TGFB3: variants seen among roughly 807,000 people sequenced by gnomAD.
TGFB3 encodes the protein transforming growth factor beta-3 proprotein.
In TGFB3, 5 loss-of-function variants were observed where a neutral mutation model predicts 40.1. The observed-to-expected ratio is 0.12, with a 90% CI of 0.07 to 0.26. The LOEUF (loss-of-function observed/expected upper bound fraction) is 0.26, where lower values mean the gene tolerates loss of function less well. TGFB3 is among the 10% of genes least tolerant of loss of function. TGFB3 has a pLI of 1.00. For synonymous variants in TGFB3, 184 were observed against 205.6 expected (o/e 0.89, Z 0.90); for missense variants, 373 against 530.1 (o/e 0.70, Z 2.91).
In TGFB3 at chr14:75,981,107, C is replaced by T. The variant is rs886050800; in HGVS notation, c.-214G>A. On this transcript the variant is annotated 5_prime_UTR_variant, in exon 1 of 7. Transcript: ENST00000238682. The surrounding 1 kb of genome is among the most constrained non-coding windows in gnomAD (Gnocchi z 4.7). Reference sequence around the variant, plus strand: ...TGAGGACGAAGAAGCGGACTGTGTGCCTTGTAGCGCTGGGATTCTTGTCCA... The same window carrying T: ...TGAGGACGAAGAAGCGGACTGTGTGTCTTGTAGCGCTGGGATTCTTGTCCA... 12 of 597,842 alleles carry T rather than the reference C, an allele frequency of 2.0e-5. No homozygotes were observed. The highest frequency in any genetic ancestry group is 1.7e-4 in the East Asian group (6 of 34,846). 37.0% of individuals were successfully genotyped at this position (597,842 alleles called of 1,614,324 possible). A position where few individuals can be genotyped will look rare whatever the true frequency, so the allele number is the denominator to read the frequency against.
Position 75,971,430 on chromosome 14 carries a change from A to G in TGFB3, c.516+125T>C. On this transcript the variant is annotated intron_variant, in intron 2 of 6. Coordinates refer to ENST00000238682, the MANE Select transcript of TGFB3 (RefSeq NM_003239.5). This position sits in a 1 kb window ranked among gnomAD's most constrained non-coding sequence, Gnocchi z 4.5. Reference sequence around the variant, plus strand: ...TTTAATGACAGACACAGATACGGAAACGAAGGCTCAGAGAAGCCAGGATTC... The same window carrying G: ...TTTAATGACAGACACAGATACGGAAGCGAAGGCTCAGAGAAGCCAGGATTC... 1 of 1,531,676 alleles carries G rather than the reference A, an allele frequency of 6.5e-7. No individual in the cohort carries two copies. The highest frequency in any genetic ancestry group is 1.2e-5 in the South Asian group (1 of 84,954). 94.9% of individuals were successfully genotyped at this position (1,531,676 alleles called of 1,614,324 possible). A position where few individuals can be genotyped will look rare whatever the true frequency, so the allele number is the denominator to read the frequency against.
intron 4 of TGFB3, among the ~76,000 whole-genome samples, chr14:75,964,304 A>G (rs2035195636): frequency 6.6e-6 from 1 of 152,214 alleles, no homozygotes; most frequent in Admixed American, 6.5e-5. Context: ...GATAGCCTGA[A>G]TGGGAGCCAA....
chr14:75,963,536 C>T, intron 4 of TGFB3, 49 bp from the exon 5 acceptor site: 2 of 1,611,032 alleles, frequency 1.2e-6, no homozygotes, highest in East Asian at 2.2e-5. Context: ...GAGAGCAGAG[C>T]CCTTGGAGGC....
At chr14:75,973,383 A>G (rs2035316747) in intron 1 of TGFB3, among the ~76,000 whole-genome samples, 1 of 152,248 alleles carries the variant, frequency 6.6e-6, no homozygotes, top group Non-Finnish European at 1.5e-5. Context: ...AATGGAACAG[A>G]TGTTAGGAAA....
chr14:75,970,979 G>C lies in TGFB3; in HGVS notation c.646+147C>G, dbSNP rs899065588. 22 of 1,137,986 alleles carry C rather than the reference G, an allele frequency of 1.9e-5. No individual in the cohort carries two copies. The Admixed American group carries it at 2.8e-4, about 14-fold the overall frequency. 70.5% of individuals were successfully genotyped at this position (1,137,986 alleles called of 1,614,324 possible). On this transcript the variant is annotated intron_variant, in intron 3 of 6. Coordinates refer to ENST00000238682, the MANE Select transcript of TGFB3 (RefSeq NM_003239.5). ...TGAGCATTTAATAAACATTAGTTGAGTGAATGAATGGAGGATACTCAGTGG... is the reference window on the plus strand; with the variant it reads ...TGAGCATTTAATAAACATTAGTTGACTGAATGAATGGAGGATACTCAGTGG...
intron 5 of TGFB3, among the ~76,000 whole-genome samples, chr14:75,962,045 G>C (rs2035163830): frequency 6.6e-6 from 1 of 152,160 alleles, no homozygotes; most frequent in Non-Finnish European, 1.5e-5. Flanking sequence ...TCTTAAATGT[G>C]GACAAGGTGC....
chr14:75,982,727 G>C (rs1034611023), upstream of TGFB3: 8 of 152,278 alleles, frequency 5.3e-5, no homozygotes, highest in African/African-American at 1.9e-4. The surrounding 1 kb of genome is among the most constrained non-coding windows in gnomAD (Gnocchi z 4.0). Context: ...GGTAGAGAGC[G>C]AGAAAAACAA....
In TGFB3 at chr14:75,979,918, TCTTC is replaced by T. The variant is rs1299797576; in HGVS notation, c.352+620_352+623del. ...GCCCTGGGAACATTCGTGCATACCC[TCTTC>T]CTTCCACACACACAGCTCACGTGGG... On this transcript the variant is annotated intron_variant, in intron 1 of 6. Coordinates refer to ENST00000238682, the MANE Select transcript of TGFB3 (RefSeq NM_003239.5). This position sits in a 1 kb window ranked among gnomAD's most constrained non-coding sequence, Gnocchi z 4.8. 6.6e-6 allele frequency among the ~76,000 whole-genome samples: 1 copy of T among 152,226 alleles called. No individual in the cohort carries two copies. Among genetic ancestry groups the T allele is most frequent in the South Asian group, 2.1e-4 (1 of 4,826 alleles).
rs767251248 is a variant in TGFB3 at position 75,980,520 on chromosome 14, C to A, written c.352+22G>T. The A allele has an allele frequency of 7.4e-6, 12 of 1,612,560 alleles. No homozygotes were observed. Among genetic ancestry groups the A allele is most frequent in the Non-Finnish European group, 1.0e-5 (12 of 1,178,506 alleles). ...AGTTCAGACCCTCCAGAGCAGACAC[C>A]CCAGCGAGAATTTGGACTTACTGTG... On this transcript the variant is annotated intron_variant, in intron 1 of 6. Coordinates refer to ENST00000238682, the MANE Select transcript of TGFB3 (RefSeq NM_003239.5). The surrounding 1 kb of genome is among the most constrained non-coding windows in gnomAD (Gnocchi z 4.3).
At chr14:75,963,970 GGGT>G (rs1416406821) in intron 4 of TGFB3, among the ~76,000 whole-genome samples, 2 of 152,064 alleles carry the variant, frequency 1.3e-5, no homozygotes, top group African/African-American at 4.8e-5. Context: ...TCTGCCTCCG[GGGT>G]TCAAGAGATT....
chr14:75,965,933 A>G, intron 3 of TGFB3: 1 of 542,276 alleles, frequency 1.8e-6, no homozygotes, highest in Non-Finnish European at 3.3e-6. Context: ...GGGGGCATAC[A>G]CTAGTGGCCA....
rs895545258 is a variant in TGFB3, at chr14:75,965,982, G to A, written c.647-287C>T. 6.9e-6 allele frequency: 3 copies of A among 436,400 alleles called. No individual in the cohort carries two copies. The East Asian group carries it at 1.4e-4, about 21-fold the overall frequency. The allele number at this position is 436,400 out of a possible 1,614,324, so 27.0% of individuals were successfully genotyped here. Reference sequence around the variant, plus strand: ...GTGGAATAATCATTCCCTTTGAAAGGATGGTATTAAGAGAAAATTGTCACC... The same window carrying A: ...GTGGAATAATCATTCCCTTTGAAAGAATGGTATTAAGAGAAAATTGTCACC... On this transcript the variant is annotated intron_variant, in intron 3 of 6. Coordinates refer to ENST00000238682, the MANE Select transcript of TGFB3 (RefSeq NM_003239.5).
Position 75,979,709 on chromosome 14 carries a change from C to A in TGFB3, c.352+833G>T, listed in dbSNP as rs1328029380. Among the ~76,000 whole-genome samples the A allele has an allele frequency of 6.8e-6, 1 of 146,206 alleles. No homozygotes were observed. Among genetic ancestry groups the A allele is most frequent in the Non-Finnish European group, 1.5e-5 (1 of 66,324 alleles). On this transcript the variant is annotated intron_variant, in intron 1 of 6. Transcript: ENST00000238682. The surrounding 1 kb of genome is among the most constrained non-coding windows in gnomAD (Gnocchi z 4.8). Reference sequence around the variant, plus strand: ...CTCCCAGACATATCCCCCCCCCCCACCATGCACCCACTGCCACCCCTCCAC... The same window carrying A: ...CTCCCAGACATATCCCCCCCCCCCAACATGCACCCACTGCCACCCCTCCAC...
At chr14:75,976,034 G>A (rs2035350142) in intron 1 of TGFB3, among the ~76,000 whole-genome samples, 1 of 152,196 alleles carries the variant, frequency 6.6e-6, no homozygotes, top group Admixed American at 6.5e-5. Context: ...CAAAACATAA[G>A]CAAAGAATAT....
chr14:75,960,632 A>AT (rs2035144503), intron 6 of TGFB3, among the ~76,000 whole-genome samples: 1 of 152,240 alleles, frequency 6.6e-6, no homozygotes, highest in African/African-American at 2.4e-5. Flanking sequence ...CCACATGCAC[A>AT]TATCTCTGAC....
chr14:75,964,181 T>C (rs2035194306), intron 4 of TGFB3, among the ~76,000 whole-genome samples: 1 of 152,170 alleles, frequency 6.6e-6, no homozygotes. Context: ...CAGCCCTGGA[T>C]TGTCACTTTA....
intron 1 of TGFB3, among the ~76,000 whole-genome samples, chr14:75,973,908 G>A (rs1222745834): frequency 1.3e-5 from 2 of 152,168 alleles, no homozygotes; most frequent in Middle Eastern, 3.2e-3. Context: ...TCGGGAAGCC[G>A]AGGTGGGCAG....
At chr14:75,970,269 T>C (rs1450338882) in intron 3 of TGFB3, among the ~76,000 whole-genome samples, 1 of 152,050 alleles carries the variant, frequency 6.6e-6, no homozygotes, top group Non-Finnish European at 1.5e-5. Flanking sequence ...ATGTTCTAAA[T>C]TAAATTGGCT....
Position 75,971,485 on chromosome 14 carries a change from G to A in TGFB3, c.516+70C>T, listed in dbSNP as rs2035291360. ...CCAGGTCTGCCAAACGCTGCACCCA[G>A]TGGTGCCCTGATATGGCAAAGGAAC... On this transcript the variant is annotated intron_variant, in intron 2 of 6. Transcript: ENST00000238682. The surrounding 1 kb of genome is among the most constrained non-coding windows in gnomAD (Gnocchi z 4.5). 1 of 1,598,166 alleles carries A rather than the reference G, an allele frequency of 6.3e-7. No homozygotes were observed. Among genetic ancestry groups the A allele is most frequent in the Non-Finnish European group, 8.5e-7 (1 of 1,170,760 alleles).
Sources: gnomAD v4.1 joint callset for allele counts (sites outside exome capture counted in the v4.1 genomes callset) on GRCh38, gnomAD v4.1.1 for gene constraint, Gnocchi (gnomAD v3.1) non-coding constraint, MANE v1.5 for transcripts, NCBI Gene and HGNC (gene_info 2026-07-23, HGNC 2026-07-21) for gene names.